Variants in HADHA observed in about 807,000 individuals in gnomAD.
HADHA encodes trifunctional enzyme subunit alpha, mitochondrial.
HADHA carries 59 observed loss-of-function variants against 91.3 expected under a neutral mutation model. The ratio of observed to expected loss-of-function variants is 0.65; its 90% CI spans 0.52 to 0.80. The LOEUF is 0.80. Ranked by LOEUF, HADHA falls within the 30% of genes least tolerant of loss-of-function variation. HADHA has a pLI of 0.00. For missense variants in HADHA, 800 were observed against 927.6 expected, an observed-to-expected ratio of 0.86 and a Z score of 1.79; for synonymous variants, 320 against 338.9, an observed-to-expected ratio of 0.94 and a Z score of 0.61.
In HADHA at chr2:26,221,443, C is replaced by T. The variant is rs1394260663; in HGVS notation, c.677-6268G>A. On this transcript the variant is annotated intron_variant, in intron 7 of 19. Coordinates refer to ENST00000380649, the MANE Select transcript of HADHA (RefSeq NM_000182.5). This position sits in a 1 kb window ranked among gnomAD's most constrained non-coding sequence, Gnocchi z 4.8. ...AGAGACTCAAAGCTTAACCATGGGG[C>T]ATCAAGTTACTGGTGACCTGAGCTG... 6.6e-6 allele frequency among the ~76,000 whole-genome samples: 1 copy of T among 152,158 alleles called. No homozygotes were observed. Among genetic ancestry groups the T allele is most frequent in the Non-Finnish European group, 1.5e-5 (1 of 68,030 alleles).
chr2:26,204,574 G>C (rs918319684), intron 11 of HADHA, among the ~76,000 whole-genome samples: 3 of 152,138 alleles, frequency 2.0e-5, no homozygotes, highest in Non-Finnish European at 2.9e-5. Flanking sequence ...TTGACTATCT[G>C]CCAGTCATCT....
At chr2:26,237,133 C>CTAG in intron 3 of HADHA, 145 bp from the exon 4 acceptor site, 1 of 735,272 alleles carries the variant, frequency 1.4e-6, no homozygotes, top group East Asian at 2.6e-5. Context: ...TATCATTCTC[C>CTAG]CAGCAAGTCA....
chr2:26,219,035 AAT>A (rs1670306564), intron 7 of HADHA, among the ~76,000 whole-genome samples: 1 of 151,566 alleles, frequency 6.6e-6, no homozygotes, highest in African/African-American at 2.4e-5. Context: ...AAAGAAAGAA[AAT>A]AGACTGTGAT....
chr2:26,230,467 G>T (rs962343982), intron 6 of HADHA, among the ~76,000 whole-genome samples, 173 bp from the exon 7 acceptor site: 1 of 152,124 alleles, frequency 6.6e-6, no homozygotes, highest in Non-Finnish European at 1.5e-5. Flanking sequence ...ATACACTTGG[G>T]TAACTTTGGG....
At chr2:26,203,003 G>A (rs548114258) in intron 12 of HADHA, among the ~76,000 whole-genome samples, 1 of 152,228 alleles carries the variant, frequency 6.6e-6, no homozygotes, top group Non-Finnish European at 1.5e-5. Flanking sequence ...AAGAGAGACT[G>A]GGGGAGGAAA....
rs267599303 is a variant in HADHA at position 26,193,634 on chromosome 2, G to C, written c.1828C>G (p.Arg610Gly). ...AGTTCTGGGTTTCCACCTCCAAACC[G>C]CTCCCCAAAGACTTTGCCCAGATCT... ...AEDLGKVFGE[R>G]FGGGNPELLT... The change falls in exon 17 of 20, where the codon CGG becomes GGG. Residue 610 changes from arginine to glycine, a missense_variant. Physicochemically the swap from Arg to Gly is moderately radical, Grantham distance 125. Coordinates refer to ENST00000380649, the MANE Select transcript of HADHA (RefSeq NM_000182.5). 5 of 1,613,986 alleles carry C rather than the reference G, an allele frequency of 3.1e-6. No homozygotes were observed. Among genetic ancestry groups the C allele is most frequent in the Non-Finnish European group, 4.2e-6 (5 of 1,179,948 alleles).
At chr2:26,194,087 G>A (rs1265746660) in intron 16 of HADHA, among the ~76,000 whole-genome samples, 1 of 152,164 alleles carries the variant, frequency 6.6e-6, no homozygotes, top group Non-Finnish European at 1.5e-5. Context: ...AGTGTGTCAT[G>A]ACCAACAGAA....
chr2:26,215,397 T>C (rs1159771758), intron 7 of HADHA, among the ~76,000 whole-genome samples: 2 of 152,204 alleles, frequency 1.3e-5, no homozygotes, highest in Non-Finnish European at 2.9e-5. Flanking sequence ...TCTTTAACTG[T>C]TTCATTTGGT....
At chr2:26,219,435 T>A (rs1670318615) in intron 7 of HADHA, among the ~76,000 whole-genome samples, 1 of 152,166 alleles carries the variant, frequency 6.6e-6, no homozygotes, top group African/African-American at 2.4e-5. Flanking sequence ...CAATAAAAAA[T>A]TATTAATCCA....
rs370942158 is a variant in HADHA at position 26,193,293 on chromosome 2, CT to C, written c.1885+283del. 8.5e-4 allele frequency among the ~76,000 whole-genome samples: 98 copies of C among 115,156 alleles called. 1 individual carries two copies. The highest frequency in any genetic ancestry group is 0.01 in the Middle Eastern group (2 of 198). The allele number at this position is 115,156 out of a possible 152,430, so 75.5% of individuals were successfully genotyped here. On this transcript the variant is annotated intron_variant, in intron 17 of 19. Coordinates refer to ENST00000380649, the MANE Select transcript of HADHA (RefSeq NM_000182.5). ...AGCCCTTAGAAGGTTCACATGACAT[CT>C]TTTTTTTTTTTTTTTTTTGAGAAGG...
At chr2:26,237,617 G>C (rs1215365388) in intron 3 of HADHA, among the ~76,000 whole-genome samples, 1 of 152,032 alleles carries the variant, frequency 6.6e-6, no homozygotes. Flanking sequence ...AACAGAATGA[G>C]ACCCTATCTT....
intron 17 of HADHA, among the ~76,000 whole-genome samples, chr2:26,192,972 A>G (rs1474164946): frequency 1.3e-5 from 2 of 152,132 alleles, no homozygotes; most frequent in Admixed American, 6.5e-5. Flanking sequence ...ACATCCCCAT[A>G]TGCAGCACCG....
chr2:26,208,921 TTATTTTG>T (rs1156993916), intron 11 of HADHA, among the ~76,000 whole-genome samples: 5 of 152,200 alleles, frequency 3.3e-5, no homozygotes, highest in Admixed American at 6.5e-5. Context: ...CTTATCCATT[TTATTTTG>T]TATTTTGTAT....
intron 7 of HADHA, among the ~76,000 whole-genome samples, chr2:26,227,942 A>C (rs1670522679): frequency 6.6e-6 from 1 of 151,756 alleles, no homozygotes. Flanking sequence ...CAGCCTCCCT[A>C]GTAGCCAGGA....
intron 7 of HADHA, among the ~76,000 whole-genome samples, chr2:26,219,536 A>G (rs763341046): frequency 6.6e-6 from 1 of 152,224 alleles, no homozygotes; most frequent in Non-Finnish European, 1.5e-5. Flanking sequence ...CACTGTGAGA[A>G]ATCAATTTGT....
At chr2:26,205,678 C>T (rs1375025881) in intron 11 of HADHA, among the ~76,000 whole-genome samples, 1 of 152,106 alleles carries the variant, frequency 6.6e-6, no homozygotes, top group Non-Finnish European at 1.5e-5. Flanking sequence ...GTGGTGTGCA[C>T]CTGTAATCCC....
chr2:26,206,831 C>T (rs530243930), intron 11 of HADHA, among the ~76,000 whole-genome samples: 1 of 152,126 alleles, frequency 6.6e-6, no homozygotes, highest in Non-Finnish European at 1.5e-5. Flanking sequence ...ATCTACATCT[C>T]CAAGTCATAT....
At position 26,214,419 on chromosome 2, in the gene HADHA, G is replaced by C. The variant is rs371718744; in HGVS notation, c.918+24C>G. ...TATAAAGGAAGGAAATATGAGAAAA[G>C]TGGGAATATTGGGTAAGACTCACAT... On this transcript the variant is annotated intron_variant, in intron 9 of 19. Transcript: ENST00000380649. This position sits in a 1 kb window ranked among gnomAD's most constrained non-coding sequence, Gnocchi z 4.1. 55 of 1,047,882 alleles carry C rather than the reference G, an allele frequency of 5.2e-5. No homozygotes were observed. The African/African-American group carries it at 7.9e-4, about 15-fold the overall frequency. 64.9% of individuals were successfully genotyped at this position (1,047,882 alleles called of 1,614,324 possible).
chr2:26,234,150 G>C, intron 5 of HADHA, 67 bp downstream of exon 5: 1 of 1,450,434 alleles, frequency 6.9e-7, no homozygotes, highest in South Asian at 1.1e-5. Context: ...AGTAGCCTAA[G>C]GGTTTACAGC....
Sources: allele counts gnomAD v4.1 joint callset (sites outside exome capture counted in the v4.1 genomes callset), GRCh38; gene constraint gnomAD v4.1.1; non-coding constraint Gnocchi (gnomAD v3.1); transcripts MANE v1.5; gene names NCBI Gene and HGNC (gene_info 2026-07-23, HGNC 2026-07-21).